CAST: variants seen among roughly 807,000 people sequenced by gnomAD.
CAST encodes the protein MIR583 host.
CAST carries 76 observed loss-of-function variants against 119.6 expected under a neutral mutation model. That is an observed-to-expected ratio of 0.64 (90% confidence interval 0.53 to 0.77). The LOEUF (loss-of-function observed/expected upper bound fraction) is 0.77. Among genes scored for constraint, CAST ranks in the 30% least tolerant of loss-of-function variants. The pLI, the probability that CAST is intolerant of heterozygous loss-of-function variation, is 0.00. For synonymous variants in CAST, 319 were observed against 331.6 expected (o/e 0.96, Z 0.41); for missense variants, 953 against 946.5 (o/e 1.01, Z -0.09).
At chr5:96,027,832 C>G in the CAST span, among the ~76,000 whole-genome samples, 1 of 152,124 alleles carries the variant, frequency 6.6e-6, no homozygotes, top group Non-Finnish European at 1.5e-5. Context: ...AAAAGAGACT[C>G]AAATTTATAT....
chr5:96,332,868 T>C, the CAST span, among the ~76,000 whole-genome samples: 2 of 152,122 alleles, frequency 1.3e-5, no homozygotes, highest in African/African-American at 4.8e-5. Context: ...CAGCCCTGTT[T>C]TTCCCTCCTC....
intron 1 of CAST, among the ~76,000 whole-genome samples, chr5:96,557,050 A>G (rs1174138985): frequency 6.6e-6 from 1 of 152,152 alleles, no homozygotes; most frequent in Admixed American, 6.6e-5. Context: ...GTGGCAGCCA[A>G]TACTCAACAT....
the CAST span, among the ~76,000 whole-genome samples, chr5:96,184,770 G>A: frequency 5.3e-5 from 8 of 152,100 alleles, no homozygotes; most frequent in East Asian, 1.2e-3. Flanking sequence ...GGACATTTAG[G>A]TTGATTCCAT....
At position 96,716,267 on chromosome 5, in the gene CAST, C is replaced by T. The variant is rs561559728; in HGVS notation, c.211-6372C>T. Among the ~76,000 whole-genome samples the T allele has an allele frequency of 1.3e-4, 20 of 152,202 alleles. No individual in the cohort carries two copies. The South Asian group carries it at 1.7e-3, about 13-fold the overall frequency. On this transcript the variant is annotated intron_variant, in intron 3 of 31. Coordinates refer to ENST00000675179, the MANE Select transcript of CAST (RefSeq NM_001750.7). Reference sequence around the variant, plus strand: ...TTACAGGAAGCAGCTCAGGGTTTTGCGTATATGTGTTTTATTTTTAAGTTG... The same window carrying T: ...TTACAGGAAGCAGCTCAGGGTTTTGTGTATATGTGTTTTATTTTTAAGTTG...
chr5:96,286,602 T>G, the CAST span, among the ~76,000 whole-genome samples: 1 of 152,134 alleles, frequency 6.6e-6, no homozygotes, highest in Admixed American at 6.6e-5. Context: ...AATCCAGGAA[T>G]TTTTTCCTAA....
chr5:96,712,427 C>T (rs2150362095), intron 3 of CAST, among the ~76,000 whole-genome samples: 1 of 152,220 alleles, frequency 6.6e-6, no homozygotes, highest in African/African-American at 2.4e-5. Flanking sequence ...TATGTCCAGG[C>T]TCAAGTGGTC....
chr5:96,457,923 CT>C, the CAST span, among the ~76,000 whole-genome samples: 2 of 152,112 alleles, frequency 1.3e-5, no homozygotes, highest in Non-Finnish European at 2.9e-5. Context: ...TCATTTCATT[CT>C]TTTTACATTC....
the CAST span, among the ~76,000 whole-genome samples, chr5:96,381,191 ATTC>A: frequency 1.3e-5 from 2 of 152,298 alleles, no homozygotes; most frequent in Middle Eastern, 3.4e-3. Context: ...AAACAATGCA[ATTC>A]TTCTCATTAA....
At chr5:95,985,695 T>C in the CAST span, among the ~76,000 whole-genome samples, 1 of 152,210 alleles carries the variant, frequency 6.6e-6, no homozygotes, top group South Asian at 2.1e-4. Flanking sequence ...ATTTTAAGAA[T>C]GTTCTGGGGA....
the CAST span, among the ~76,000 whole-genome samples, chr5:96,222,757 A>G: frequency 6.6e-6 from 1 of 152,026 alleles, no homozygotes; most frequent in East Asian, 1.9e-4. Flanking sequence ...CCTCCCCTCT[A>G]ATATATATCT....
chr5:96,198,245 C>T, the CAST span, among the ~76,000 whole-genome samples: 25 of 152,258 alleles, frequency 1.6e-4, no homozygotes, highest in South Asian at 4.1e-4. Flanking sequence ...TCTGGTTTTA[C>T]CTCTGGACTT....
chr5:96,454,792 A>G, the CAST span, among the ~76,000 whole-genome samples: 3 of 152,240 alleles, frequency 2.0e-5, no homozygotes, highest in Non-Finnish European at 4.4e-5. Flanking sequence ...TCAAAGAGAG[A>G]TGTATTCCCT....
At chr5:96,240,697 G>T in the CAST span, among the ~76,000 whole-genome samples, 1 of 151,278 alleles carries the variant, frequency 6.6e-6, no homozygotes, top group Non-Finnish European at 1.5e-5. Context: ...CTGAGTGGCT[G>T]GGACCACAAG....
chr5:96,464,957 G>T, the CAST span, among the ~76,000 whole-genome samples: 5 of 151,850 alleles, frequency 3.3e-5, no homozygotes, highest in East Asian at 9.7e-4. Flanking sequence ...AATCCTGCTG[G>T]GATTTTGATT....
At chr5:96,505,432 A>G in the CAST span, among the ~76,000 whole-genome samples, 2 of 151,468 alleles carry the variant, frequency 1.3e-5, no homozygotes, top group Non-Finnish European at 3.0e-5. Context: ...GTGAGCCGAG[A>G]CCCGCCACTG....
At chr5:96,109,962 G>A in the CAST span, among the ~76,000 whole-genome samples, 15 of 151,878 alleles carry the variant, frequency 9.9e-5, no homozygotes, top group African/African-American at 2.4e-4. Flanking sequence ...ATAAAGCACC[G>A]CTTTTAGAAG....
chr5:96,643,601 G>T (rs776769457), intron 1 of CAST, among the ~76,000 whole-genome samples: 1 of 152,100 alleles, frequency 6.6e-6, no homozygotes, highest in African/African-American at 2.4e-5. Flanking sequence ...TGGGCCAGGC[G>T]CAATGGCTCA....
the CAST span, among the ~76,000 whole-genome samples, chr5:96,432,688 A>G: frequency 6.6e-6 from 1 of 152,154 alleles, no homozygotes; most frequent in Admixed American, 6.5e-5. Flanking sequence ...ACAGTAAATA[A>G]TGCAAGCTTT....
rs1237092358 is a variant in CAST at position 96,762,471 on chromosome 5, T to C, written c.1932+99T>C. 9 of 764,324 alleles carry C rather than the reference T, an allele frequency of 1.2e-5. No homozygotes were observed. The East Asian group carries it at 2.5e-4, about 21-fold the overall frequency. The allele number at this position is 764,324 out of a possible 1,614,324, so 47.3% of individuals were successfully genotyped here. On this transcript the variant is annotated intron_variant, in intron 25 of 31. Transcript: ENST00000675179. ...TTAAAGCAAATGAAAATAGGCAGAATTATTAGGAAGATCAGGCACCTTCTA... is the reference window on the plus strand; with the variant it reads ...TTAAAGCAAATGAAAATAGGCAGAACTATTAGGAAGATCAGGCACCTTCTA...
Sources: allele counts gnomAD v4.1 joint callset (sites outside exome capture counted in the v4.1 genomes callset), GRCh38; gene constraint gnomAD v4.1.1; transcripts MANE v1.5; gene names NCBI Gene and HGNC (gene_info 2026-07-23, HGNC 2026-07-21).